KIAA1217: variants seen among roughly 807,000 people sequenced by gnomAD.
KIAA1217 encodes KIAA1217.
KIAA1217 carries 88 observed loss-of-function variants against 163.9 expected under a neutral mutation model. The ratio of observed to expected loss-of-function variants is 0.54; its 90% CI spans 0.45 to 0.64. KIAA1217 has a LOEUF of 0.64. Ranked by LOEUF, KIAA1217 falls within the 30% of genes least tolerant of loss-of-function variation. KIAA1217 has a pLI of 0.00. For synonymous variants in KIAA1217, 903 were observed against 923.1 expected, an observed-to-expected ratio of 0.98 and a Z score of 0.39; for missense variants, 2,372 against 2,475.0, an observed-to-expected ratio of 0.96 and a Z score of 0.88.
chr10:24,096,561 G>C (rs2062170225), intron 2 of KIAA1217, among the ~76,000 whole-genome samples: 1 of 152,092 alleles, frequency 6.6e-6, no homozygotes, highest in South Asian at 2.1e-4. Context: ...ATCCTACCAG[G>C]CTCTGCAGGG....
At chr10:23,916,527 AT>A (rs1220053200) in intron 1 of KIAA1217, among the ~76,000 whole-genome samples, 2 of 152,132 alleles carry the variant, frequency 1.3e-5, no homozygotes, top group Non-Finnish European at 1.5e-5. Flanking sequence ...TGTTTATTTA[AT>A]GCTCTGGTAG....
intron 1 of KIAA1217, among the ~76,000 whole-genome samples, chr10:23,974,807 A>G (rs1418993292): frequency 1.3e-5 from 2 of 152,192 alleles, no homozygotes; most frequent in East Asian, 1.9e-4. Context: ...GCCATAAAGT[A>G]GGAACTCAGT....
intron 1 of KIAA1217, among the ~76,000 whole-genome samples, chr10:23,765,579 G>T (rs539335078): frequency 1.9e-4 from 29 of 152,230 alleles, no homozygotes; most frequent in African/African-American, 7.0e-4. Flanking sequence ...ATCCCTATAT[G>T]TGGAGGGAGG....
At chr10:24,155,075 A>T (rs147063318) in intron 2 of KIAA1217, among the ~76,000 whole-genome samples, 11 of 152,314 alleles carry the variant, frequency 7.2e-5, no homozygotes, top group African/African-American at 2.2e-4. Flanking sequence ...GTTGCAGATG[A>T]GTGTGAAAGT....
rs1835840596 is a variant in KIAA1217, at chr10:23,790,541, G to GTGCATATATACATATGTACATA, written c.-321+95310_-321+95331dup. 3.0e-5 allele frequency among the ~76,000 whole-genome samples: 2 copies of GTGCATATATACATATGTACATA among 66,858 alleles called. 1 individual carries two copies. Among genetic ancestry groups the GTGCATATATACATATGTACATA allele is most frequent in the African/African-American group, 2.9e-4 (2 of 6,870 alleles). The allele number at this position is 66,858 out of a possible 152,430, so 43.9% of individuals were successfully genotyped here. The stretch of plus-strand genomic sequence containing the variant: ...TATATATACATATATACATATACAT[G>GTGCATATATACATATGTACATA]TGCATATATACATATGTACATATGT... On this transcript the variant is annotated intron_variant, in intron 1 of 18. Transcript: ENST00000376462.
chr10:23,985,483 G>A (rs538755607), intron 1 of KIAA1217, among the ~76,000 whole-genome samples: 16 of 152,286 alleles, frequency 1.1e-4, no homozygotes, highest in Non-Finnish European at 2.2e-4. Flanking sequence ...ACAGAGGACA[G>A]ACTTACCAAA....
At chr10:24,392,787 T>C (rs899191154) in intron 3 of KIAA1217, among the ~76,000 whole-genome samples, 5 of 152,240 alleles carry the variant, frequency 3.3e-5, no homozygotes, top group Non-Finnish European at 7.3e-5. Context: ...GAACAAGAGA[T>C]GAGACATTAG....
chr10:23,791,081 C>T (rs913373673), intron 1 of KIAA1217, among the ~76,000 whole-genome samples: 1 of 151,952 alleles, frequency 6.6e-6, no homozygotes, highest in Non-Finnish European at 1.5e-5. Context: ...ATTGTATTAC[C>T]AATTAAAATG....
chr10:24,430,427 A>T (rs916920792), intron 3 of KIAA1217, among the ~76,000 whole-genome samples: 9 of 152,108 alleles, frequency 5.9e-5, no homozygotes, highest in Non-Finnish European at 1.0e-4. Flanking sequence ...GGCACCAAGG[A>T]CCGGTTTTGT....
intron 1 of KIAA1217, among the ~76,000 whole-genome samples, chr10:23,935,802 T>C (rs1331133749): frequency 1.3e-5 from 2 of 152,226 alleles, no homozygotes; most frequent in East Asian, 3.8e-4. Flanking sequence ...AATTTTTCTT[T>C]TGGTGCTATG....
chr10:24,374,628 G>A (rs1318858206), intron 2 of KIAA1217, among the ~76,000 whole-genome samples: 4 of 152,162 alleles, frequency 2.6e-5, no homozygotes, highest in Non-Finnish European at 1.5e-5. Context: ...AATCATGGGT[G>A]TCTCAGTCTA....
chr10:24,203,146 C>T (rs1463812329), intron 2 of KIAA1217, among the ~76,000 whole-genome samples: 1 of 149,864 alleles, frequency 6.7e-6, no homozygotes, highest in Non-Finnish European at 1.5e-5. Context: ...GTGATCATAC[C>T]ACTGCAATCT....
chr10:24,412,005 G>A (rs573136763), intron 3 of KIAA1217, among the ~76,000 whole-genome samples: 17 of 152,046 alleles, frequency 1.1e-4, no homozygotes, highest in African/African-American at 2.2e-4. Context: ...GAGCATCGCC[G>A]AGGGTGGGTT....
chr10:23,900,652 T>C (rs1219360993), intron 1 of KIAA1217, among the ~76,000 whole-genome samples: 1 of 152,096 alleles, frequency 6.6e-6, no homozygotes, highest in African/African-American at 2.4e-5. Context: ...TCTATTACCC[T>C]TGGAAGTGGA....
intron 1 of KIAA1217, among the ~76,000 whole-genome samples, chr10:23,920,853 G>A (rs944916063): frequency 1.3e-5 from 2 of 152,154 alleles, no homozygotes; most frequent in African/African-American, 4.8e-5. Context: ...CACAGTGAGA[G>A]GTAATTGAAT....
intron 2 of KIAA1217, among the ~76,000 whole-genome samples, chr10:24,180,525 C>T (rs1477342550): frequency 3.3e-5 from 5 of 151,922 alleles, no homozygotes; most frequent in Non-Finnish European, 7.4e-5. Context: ...CTACGATTTT[C>T]CTCCTCTGAA....
At chr10:24,430,792 C>T (rs543677325) in intron 3 of KIAA1217, among the ~76,000 whole-genome samples, 2 of 152,180 alleles carry the variant, frequency 1.3e-5, no homozygotes, top group South Asian at 4.1e-4. Context: ...GACAGTGATT[C>T]GAGCAATGGG....
intron 2 of KIAA1217, among the ~76,000 whole-genome samples, chr10:24,244,931 G>A (rs777102147): frequency 7.2e-5 from 11 of 152,194 alleles, no homozygotes; most frequent in Non-Finnish European, 1.5e-4. Flanking sequence ...TAGGCAGCAG[G>A]AACAGTCTTC....
At chr10:24,341,160 T>C (rs1166477290) in intron 2 of KIAA1217, among the ~76,000 whole-genome samples, 2 of 152,198 alleles carry the variant, frequency 1.3e-5, no homozygotes, top group Non-Finnish European at 2.9e-5. Context: ...AACCAAGAAA[T>C]GCATTCTCCC....
Sources: gnomAD v4.1 joint callset for allele counts (sites outside exome capture counted in the v4.1 genomes callset) on GRCh38, gnomAD v4.1.1 for gene constraint, MANE v1.5 for transcripts, NCBI Gene and HGNC (gene_info 2026-07-23, HGNC 2026-07-21) for gene names.